The following CLIP4 variants were observed in gnomAD, a reference collection of about 807,000 sequenced individuals.
The protein encoded by CLIP4 is CAP-Gly domain containing linker protein family member 4, also known as CAP-Gly domain-containing linker protein 4.
CLIP4 carries 47 observed loss-of-function variants against 73.1 expected under a neutral mutation model. The observed-to-expected ratio is 0.64, with a 90% CI of 0.51 to 0.82. The LOEUF (loss-of-function observed/expected upper bound fraction) is 0.82, where lower values mean the gene tolerates loss of function less well. CLIP4 is among the 40% of genes least tolerant of loss of function. CLIP4 has a pLI of 0.00. For missense variants in CLIP4, 874 were observed against 852.9 expected (o/e 1.02, Z -0.31); for synonymous variants, 306 against 295.4 (o/e 1.04, Z -0.37).
intron 6 of CLIP4, among the ~76,000 whole-genome samples, chr2:29,139,681 G>A (rs1290405357): frequency 6.6e-6 from 1 of 152,018 alleles, no homozygotes; most frequent in Non-Finnish European, 1.5e-5. Flanking sequence ...TGTGTTCAGG[G>A]TTTCACTTTC....
chr2:29,098,347 G>A (rs772555581), intron 1 of CLIP4, among the ~76,000 whole-genome samples: 4 of 152,120 alleles, frequency 2.6e-5, no homozygotes, highest in Admixed American at 6.5e-5. Flanking sequence ...CCACCCTTAC[G>A]GTATCATGCA....
At chr2:29,144,888 G>A (rs181439765) in intron 7 of CLIP4, among the ~76,000 whole-genome samples, 4 of 135,822 alleles carry the variant, frequency 2.9e-5, no homozygotes, top group African/African-American at 8.5e-5. Flanking sequence ...CTGTAGCCCC[G>A]AACTCCTGGG....
intron 15 of CLIP4, among the ~76,000 whole-genome samples, chr2:29,179,875 A>G (rs899341433): frequency 2.6e-5 from 4 of 152,310 alleles, no homozygotes; most frequent in African/African-American, 9.6e-5. Flanking sequence ...TAAATAATTT[A>G]AGACTATTTT....
intron 14 of CLIP4, among the ~76,000 whole-genome samples, chr2:29,169,906 C>T (rs1270507799): frequency 1.3e-5 from 2 of 152,134 alleles, no homozygotes; most frequent in African/African-American, 2.4e-5. Flanking sequence ...CTTTATCCCC[C>T]TTCCCACCCA....
chr2:29,103,481 G>T (rs1220487171), intron 1 of CLIP4, among the ~76,000 whole-genome samples: 2 of 151,804 alleles, frequency 1.3e-5, no homozygotes, highest in Non-Finnish European at 2.9e-5. Flanking sequence ...CAACATCAGG[G>T]AGTGTGCTAA....
intron 13 of CLIP4, among the ~76,000 whole-genome samples, chr2:29,165,262 CT>C (rs70958247): frequency 1.0e-4 from 15 of 148,868 alleles, no homozygotes; most frequent in African/African-American, 2.7e-4. Context: ...TTCTTTCTTT[CT>C]TTTTTTTTTG....
chr2:29,133,788 A>C lies in CLIP4; in HGVS notation c.501A>C (p.Arg167Ser). The change falls in exon 5 of 16, where the codon AGA (arginine) becomes AGC (serine). Residue 167 changes from arginine to serine, a missense_variant. Coordinates refer to ENST00000320081, the MANE Select transcript of CLIP4 (RefSeq NM_024692.6). ...AAYFDVPELI[R>S]VILKTSKPKD... ...ATTTTGATGTCCCTGAACTTATAAG[A>C]GTGATTTTGAAAACATCGAAACCAA... The C allele has an allele frequency of 6.2e-7, 1 of 1,607,786 alleles. No homozygotes were observed. The highest frequency in any genetic ancestry group is 8.5e-7 in the Non-Finnish European group (1 of 1,178,352).
intron 2 of CLIP4, chr2:29,130,542 A>T (rs1664900081): frequency 1.2e-6 from 1 of 800,440 alleles, no homozygotes; most frequent in Non-Finnish European, 1.6e-6. Context: ...ATAGGTCCTT[A>T]CAGGTTTTCC....
chr2:29,116,744 C>G (rs756967182), intron 1 of CLIP4, among the ~76,000 whole-genome samples: 2 of 152,228 alleles, frequency 1.3e-5, no homozygotes, highest in Non-Finnish European at 2.9e-5. Context: ...TACGGTCTAT[C>G]TGGACTGTAA....
In CLIP4 at chr2:29,155,021, T is replaced by C. The variant is rs1212428013; in HGVS notation, c.1166-1333T>C. Reference sequence around the variant, plus strand: ...AGATACAATTTAAAATTACCCAAAATATGAAAAAGTCAACACCTCTTACAA... The same window carrying C: ...AGATACAATTTAAAATTACCCAAAACATGAAAAAGTCAACACCTCTTACAA... On this transcript the variant is annotated intron_variant, in intron 9 of 15. Coordinates refer to ENST00000320081, the MANE Select transcript of CLIP4 (RefSeq NM_024692.6). Among the ~76,000 whole-genome samples, 9 of 152,218 alleles carry C rather than the reference T, an allele frequency of 5.9e-5. No homozygotes were observed. The East Asian group carries it at 1.7e-3, about 29-fold the overall frequency.
At chr2:29,154,156 G>C (rs1022103293) in intron 9 of CLIP4, among the ~76,000 whole-genome samples, 1 of 152,068 alleles carries the variant, frequency 6.6e-6, no homozygotes, top group Non-Finnish European at 1.5e-5. Context: ...TCTATTGGTA[G>C]GTACTCCATA....
At chr2:29,102,352 A>T (rs1668074002) in intron 1 of CLIP4, among the ~76,000 whole-genome samples, 1 of 152,144 alleles carries the variant, frequency 6.6e-6, no homozygotes. Context: ...CATATACACA[A>T]CTTTGGTCAC....
chr2:29,147,663 T>TTA (rs1443464299), intron 8 of CLIP4, among the ~76,000 whole-genome samples: 4 of 152,102 alleles, frequency 2.6e-5, no homozygotes, highest in African/African-American at 9.7e-5. Context: ...ATGAGGGTAA[T>TTA]TAGGATATTC....
chr2:29,156,938 G>T (rs1666965403), intron 10 of CLIP4, among the ~76,000 whole-genome samples: 2 of 152,142 alleles, frequency 1.3e-5, no homozygotes, highest in Admixed American at 1.3e-4. Flanking sequence ...TAGGTAGTCA[G>T]TTCACATCAA....
In CLIP4 at chr2:29,160,511, CA is replaced by C. The variant is rs775994086; in HGVS notation, c.1534+48del. The C allele has an allele frequency of 1.1e-5, 17 of 1,592,722 alleles. No homozygotes were observed. In the South Asian group the frequency reaches 1.7e-4, roughly 16 times the overall value. On this transcript the variant is annotated intron_variant, in intron 12 of 15. Coordinates refer to ENST00000320081, the MANE Select transcript of CLIP4 (RefSeq NM_024692.6). ...TTCTTAACTTGAATTCTTTAGAGTA[CA>C]AAAGGTTTAAAATTTTACATGTAAA...
In CLIP4 at chr2:29,131,425, G is replaced by A. The variant is rs768136303; in HGVS notation, c.273+28G>A. 3 of 1,575,984 alleles carry A rather than the reference G, an allele frequency of 1.9e-6. No individual in the cohort carries two copies. The Admixed American group carries it at 5.9e-5, about 31-fold the overall frequency. ...AAGGAATTCTTACATTTTAAGTTTT[G>A]CATTGTTAGGATTGTTAATGGTATA... On this transcript the variant is annotated intron_variant, in intron 3 of 15. Coordinates refer to ENST00000320081, the MANE Select transcript of CLIP4 (RefSeq NM_024692.6).
At chr2:29,122,198 G>C (rs796073514) in intron 2 of CLIP4, among the ~76,000 whole-genome samples, 14 of 150,284 alleles carry the variant, frequency 9.3e-5, no homozygotes, top group African/African-American at 3.4e-4. Context: ...TGTCTTTTTA[G>C]TCATATTCGT....
At chr2:29,132,895 G>A (rs2147954103) in intron 4 of CLIP4, among the ~76,000 whole-genome samples, 1 of 152,096 alleles carries the variant, frequency 6.6e-6, no homozygotes, top group East Asian at 1.9e-4. Flanking sequence ...TTTTTCAAAT[G>A]GCATAAAACT....
chr2:29,148,357 A>G (rs1039714647), intron 8 of CLIP4, among the ~76,000 whole-genome samples: 6 of 152,218 alleles, frequency 3.9e-5, no homozygotes, highest in African/African-American at 7.2e-5. Context: ...GTTCTTATCA[A>G]TGCTATGGTA....
Sources: allele counts gnomAD v4.1 joint callset (sites outside exome capture counted in the v4.1 genomes callset), GRCh38; gene constraint gnomAD v4.1.1; transcripts MANE v1.5; gene names NCBI Gene and HGNC (gene_info 2026-07-23, HGNC 2026-07-21).